SDK1: variants seen among roughly 807,000 people sequenced by gnomAD.
SDK1 encodes the protein protein sidekick-1.
SDK1 carries 157 observed loss-of-function variants against 245.5 expected under a neutral mutation model. That is an observed-to-expected ratio of 0.64 (90% CI 0.56 to 0.73). The LOEUF is 0.73. Ranked by LOEUF, SDK1 falls within the 30% of genes least tolerant of loss-of-function variation. The pLI is 0.00. For synonymous variants in SDK1, 1,647 were observed against 1,278.5 expected (o/e 1.29, Z -6.15); for missense variants, 3,583 against 3,002.3 (o/e 1.19, Z -4.52).
intron 14 of SDK1, among the ~76,000 whole-genome samples, chr7:3,992,042 C>T (rs576659820): frequency 3.3e-5 from 5 of 152,370 alleles, no homozygotes; most frequent in Admixed American, 3.3e-4. Context: ...TCTACTAGGT[C>T]TGTCCCTCCG....
In SDK1 at chr7:3,831,305, G is replaced by A. The variant is rs1055916284; in HGVS notation, c.847+9722G>A. On this transcript the variant is annotated intron_variant, in intron 5 of 44. Transcript: ENST00000404826. The stretch of plus-strand genomic sequence containing the variant: ...ATTCTGGTGAATTTCCTGGGGTTCA[G>A]CTTTTAGTTACTTTCTAGACTAAAT... 2.0e-5 allele frequency among the ~76,000 whole-genome samples: 3 copies of A among 152,194 alleles called. No homozygotes were observed. The East Asian group carries it at 5.8e-4, about 29-fold the overall frequency.
intron 1 of SDK1, among the ~76,000 whole-genome samples, chr7:3,441,055 A>G (rs1401674227): frequency 6.6e-6 from 1 of 152,164 alleles, no homozygotes; most frequent in Non-Finnish European, 1.5e-5. Flanking sequence ...CTTTCACCCT[A>G]CTTCATCTCA....
chr7:3,425,962 C>A (rs1004273725), intron 1 of SDK1, among the ~76,000 whole-genome samples: 1 of 152,172 alleles, frequency 6.6e-6, no homozygotes, highest in African/African-American at 2.4e-5. Flanking sequence ...ACTATCTTCC[C>A]CTTCTCAAAA....
intron 14 of SDK1, among the ~76,000 whole-genome samples, chr7:4,009,581 C>T: frequency 6.6e-6 from 1 of 152,232 alleles, no homozygotes; most frequent in African/African-American, 2.4e-5. Context: ...CACTGGAAAT[C>T]AAAAGCCAAG....
chr7:3,870,979 A>C (rs1209181285), intron 5 of SDK1, among the ~76,000 whole-genome samples: 8 of 152,242 alleles, frequency 5.3e-5, no homozygotes, highest in African/African-American at 1.7e-4. Context: ...ATTAAACTAT[A>C]GATCAAATTG....
intron 5 of SDK1, among the ~76,000 whole-genome samples, chr7:3,944,718 C>G (rs1010264463): frequency 6.6e-6 from 1 of 151,920 alleles, no homozygotes; most frequent in Admixed American, 6.6e-5. Flanking sequence ...ACAAAAGGAG[C>G]AAAAAACCCA....
chr7:4,265,778 C>T lies in SDK1; in HGVS notation c.*394C>T, dbSNP rs749802289. 49 of 1,015,000 alleles carry T rather than the reference C, an allele frequency of 4.8e-5. No individual in the cohort carries two copies. The highest frequency in any genetic ancestry group is 5.3e-5 in the Non-Finnish European group (45 of 851,286). The allele number at this position is 1,015,000 out of a possible 1,614,324, so 62.9% of individuals were successfully genotyped here. ...GTCAGGTGAGATCTCAGAGCTGCCC[C>T]GGCCGGCCCCCGTCTCTTTCTACCT... On this transcript the variant is annotated 3_prime_UTR_variant, in exon 45 of 45. Transcript: ENST00000404826.
chr7:3,638,182 C>T (rs1001402682), intron 2 of SDK1, among the ~76,000 whole-genome samples: 7 of 152,162 alleles, frequency 4.6e-5, no homozygotes, highest in African/African-American at 7.2e-5. Flanking sequence ...GAAGTAGATC[C>T]TAGCTTTGGG....
chr7:3,962,228 C>G (rs1017397766), intron 8 of SDK1, among the ~76,000 whole-genome samples: 1 of 152,254 alleles, frequency 6.6e-6, no homozygotes, highest in Non-Finnish European at 1.5e-5. Flanking sequence ...GTCCGCGAGG[C>G]ATGGACCTGG....
chr7:3,302,656 G>C lies in SDK1; in HGVS notation c.298+772G>C, dbSNP rs116209212. Among the ~76,000 whole-genome samples, 691 of 136,300 alleles carry C rather than the reference G, an allele frequency of 5.1e-3. 7 individuals are homozygous for C. Among genetic ancestry groups the C allele is most frequent in the African/African-American group, 0.018 (661 of 37,052 alleles). The allele number at this position is 136,300 out of a possible 152,430, so 89.4% of individuals were successfully genotyped here. A position where few individuals can be genotyped will look rare whatever the true frequency, so the allele number is the denominator to read the frequency against. ...CAAAACCCGTAACGTACCCCTGCCA[G>C]CTAGCATCGTTTTCTTTTGAAGTTT... On this transcript the variant is annotated intron_variant, in intron 1 of 44. Coordinates refer to ENST00000404826, the MANE Select transcript of SDK1 (RefSeq NM_152744.4).
rs78955807 is a variant in SDK1, at chr7:3,336,363, C to T, written c.298+34479C>T. On this transcript the variant is annotated intron_variant, in intron 1 of 44. Transcript: ENST00000404826. Reference sequence around the variant, plus strand: ...CGCCTAGTGGGGAGCTGATCTTCCACCCTCTGCCTGGTAGGAGCAGGTGAT... The same window carrying T: ...CGCCTAGTGGGGAGCTGATCTTCCATCCTCTGCCTGGTAGGAGCAGGTGAT... 1.1e-3 allele frequency among the ~76,000 whole-genome samples: 163 copies of T among 152,278 alleles called. 1 individual carries two copies. Among genetic ancestry groups the T allele is most frequent in the African/African-American group, 3.7e-3 (155 of 41,558 alleles).
At chr7:3,773,523 C>T (rs943206567) in intron 4 of SDK1, among the ~76,000 whole-genome samples, 10 of 152,118 alleles carry the variant, frequency 6.6e-5, no homozygotes, top group African/African-American at 1.9e-4. Context: ...GTATATTAGC[C>T]ATCAGGGCTT....
intron 1 of SDK1, among the ~76,000 whole-genome samples, chr7:3,440,993 C>T (rs138973272): frequency 1.2e-3 from 190 of 152,250 alleles, no homozygotes; most frequent in Admixed American, 2.1e-3. Flanking sequence ...TACACAGATT[C>T]AAGAATACAG....
At chr7:4,040,609 G>C (rs373069591) in intron 17 of SDK1, among the ~76,000 whole-genome samples, 3 of 152,302 alleles carry the variant, frequency 2.0e-5, no homozygotes, top group African/African-American at 7.2e-5. Context: ...TTTTACAGAT[G>C]AGCTGGAGGA....
chr7:3,482,574 G>A (rs1022430397), intron 1 of SDK1, among the ~76,000 whole-genome samples: 7 of 152,180 alleles, frequency 4.6e-5, no homozygotes, highest in Admixed American at 6.5e-5. Context: ...CAAGGAAAGC[G>A]CTTCTCTGAG....
At chr7:3,993,131 CAT>C (rs1784464817) in intron 14 of SDK1, among the ~76,000 whole-genome samples, 2 of 152,006 alleles carry the variant, frequency 1.3e-5, no homozygotes, top group South Asian at 2.1e-4. Flanking sequence ...TATTCTTTCA[CAT>C]GAGTGAGTCG....
At chr7:3,627,456 A>G (rs1405538966) in intron 2 of SDK1, among the ~76,000 whole-genome samples, 3 of 152,202 alleles carry the variant, frequency 2.0e-5, no homozygotes, top group African/African-American at 7.2e-5. Context: ...CAATGAGCAG[A>G]GAAGGCAGAT....
chr7:3,705,758 C>T lies in SDK1; in HGVS notation c.713+63653C>T, dbSNP rs536180115. Among the ~76,000 whole-genome samples, 10 of 150,730 alleles carry T rather than the reference C, an allele frequency of 6.6e-5. No individual in the cohort carries two copies. The South Asian group carries it at 2.1e-3, about 32-fold the overall frequency. The stretch of plus-strand genomic sequence containing the variant: ...GGGTGCCCTTTAATTTTTTTTTTAT[C>T]TTGCCTGATTCCTCTGGCTAGGACT... On this transcript the variant is annotated intron_variant, in intron 4 of 44. Coordinates refer to ENST00000404826, the MANE Select transcript of SDK1 (RefSeq NM_152744.4).
intron 4 of SDK1, among the ~76,000 whole-genome samples, chr7:3,653,251 C>A (rs1353734221): frequency 6.6e-6 from 1 of 152,188 alleles, no homozygotes. Context: ...CTGTGGGTCA[C>A]CCCTCCTTCC....
Sources: gnomAD v4.1 joint callset for allele counts (sites outside exome capture counted in the v4.1 genomes callset) on GRCh38, gnomAD v4.1.1 for gene constraint, MANE v1.5 for transcripts, NCBI Gene and HGNC (gene_info 2026-07-23, HGNC 2026-07-21) for gene names.